The following IL1RAPL1 variants were observed in gnomAD, a reference collection of about 807,000 sequenced individuals.
The protein encoded by IL1RAPL1 is interleukin 1 receptor accessory protein like 1.
IL1RAPL1 carries 3 observed loss-of-function variants against 48.4 expected under a neutral mutation model. That is an observed-to-expected ratio of 0.06 (90% CI 0.03 to 0.16). The LOEUF (loss-of-function observed/expected upper bound fraction) is 0.16, where lower values mean the gene tolerates loss of function less well. Ranked by LOEUF, IL1RAPL1 falls within the 10% of genes least tolerant of loss-of-function variation. The probability of loss-of-function intolerance (pLI) is 1.00; values close to 1 mark genes in which losing one functional copy is unlikely to be tolerated. For missense variants in IL1RAPL1, 349 were observed against 530.6 expected (o/e 0.66, Z 3.36); for synonymous variants, 185 against 187.7 (o/e 0.99, Z 0.12).
At chrX:28,754,065 A>AT (rs1202319553) in intron 1 of IL1RAPL1, among the ~76,000 whole-genome samples, 1 of 110,508 alleles carries the variant, frequency 9.0e-6, no homozygotes, top group African/African-American at 3.3e-5. Context: ...ATTTTTTTTT[A>AT]ATCTTGTAAA....
intron 1 of IL1RAPL1, among the ~76,000 whole-genome samples, chrX:28,731,024 A>G (rs751823454): frequency 2.7e-5 from 3 of 111,477 alleles, no homozygotes; most frequent in African/African-American, 9.8e-5. Context: ...TCACTCCTAG[A>G]AAGATTAATT....
chrX:29,801,718 G>A (rs1929909134), intron 6 of IL1RAPL1, among the ~76,000 whole-genome samples: 1 of 111,964 alleles, frequency 8.9e-6, no homozygotes, highest in African/African-American at 3.2e-5. Context: ...AGAAGGTGAT[G>A]TTGGTCAGTC....
Position 29,247,651 on chromosome X carries a change from G to A in IL1RAPL1, c.83-35287G>A, listed in dbSNP as rs768990747. ...ACAAAAATTAGCTGGGTGTGGTGGC[G>A]GGCGCCTATAATCCCAGCTACTCAG... On this transcript the variant is annotated intron_variant, in intron 2 of 10. Transcript: ENST00000378993. Among the ~76,000 whole-genome samples the A allele has an allele frequency of 3.6e-5, 4 of 110,593 alleles. No homozygotes were observed. The South Asian group carries it at 1.2e-3, about 32-fold the overall frequency.
intron 1 of IL1RAPL1, among the ~76,000 whole-genome samples, chrX:28,631,974 A>T (rs1934405913): frequency 8.9e-6 from 1 of 112,533 alleles, no homozygotes; most frequent in South Asian, 3.7e-4. Context: ...TAACATTATC[A>T]CTTGCTCGCA....
intron 6 of IL1RAPL1, among the ~76,000 whole-genome samples, chrX:29,844,154 T>C (rs763133623): frequency 8.9e-6 from 1 of 112,171 alleles, no homozygotes; most frequent in South Asian, 3.7e-4. Context: ...ATTCAGTAAA[T>C]ATGTATTGAG....
chrX:29,708,941 T>A lies in IL1RAPL1; in HGVS notation c.778+40437T>A, dbSNP rs1356114159. On this transcript the variant is annotated intron_variant, in intron 6 of 10. Transcript: ENST00000378993. ...GGTGTGAGGTGTTATTCCATTGTGG[T>A]TTCAATTTGCATTTTACTAGTGATT... 8.0e-5 allele frequency among the ~76,000 whole-genome samples: 9 copies of A among 112,046 alleles called. No individual in the cohort carries two copies. In the East Asian group the frequency reaches 2.2e-3, roughly 28 times the overall value.
chrX:29,258,255 T>C (rs917068596), intron 2 of IL1RAPL1, among the ~76,000 whole-genome samples: 2 of 111,279 alleles, frequency 1.8e-5, no homozygotes, highest in Non-Finnish European at 3.8e-5. Flanking sequence ...ACCCCATAAA[T>C]ATATACAAAT....
chrX:29,797,230 AC>A (rs1929762527), intron 6 of IL1RAPL1, among the ~76,000 whole-genome samples: 1 of 112,550 alleles, frequency 8.9e-6, no homozygotes, highest in Non-Finnish European at 1.9e-5. Flanking sequence ...TTGCCTTGGC[AC>A]ATGGCAGGAG....
chrX:29,449,117 A>G (rs1331380820), intron 5 of IL1RAPL1, among the ~76,000 whole-genome samples: 2 of 111,558 alleles, frequency 1.8e-5, no homozygotes, highest in Non-Finnish European at 3.8e-5. Context: ...AATATTTACA[A>G]CGATCCAATG....
intron 10 of IL1RAPL1, 23 bp from the exon 11 acceptor site, chrX:29,955,079 A>G: frequency 4.3e-6 from 5 of 1,164,995 alleles, no homozygotes; most frequent in Non-Finnish European, 5.9e-6. Context: ...ACTCATTTTG[A>G]TGCACTCTTT....
intron 2 of IL1RAPL1, among the ~76,000 whole-genome samples, chrX:29,125,560 T>G (rs950964987): frequency 8.9e-6 from 1 of 111,884 alleles, no homozygotes; most frequent in Admixed American, 9.5e-5. Flanking sequence ...AAGAGTTCAG[T>G]GATGTTAGGA....
At chrX:29,145,181 C>T (rs757952990) in intron 2 of IL1RAPL1, among the ~76,000 whole-genome samples, 1 of 111,624 alleles carries the variant, frequency 9.0e-6, no homozygotes, top group Non-Finnish European at 1.9e-5. Flanking sequence ...TGTTCATATC[C>T]TTTGGGGGTA....
At chrX:29,566,220 C>T (rs5927021) in intron 5 of IL1RAPL1, among the ~76,000 whole-genome samples, 53,221 of 110,319 alleles carry the variant, frequency 0.48, 10,268 homozygotes, top group African/African-American at 0.72. Context: ...ATTACAGGTG[C>T]GAGCCACCGC....
chrX:28,916,668 C>T, intron 2 of IL1RAPL1, among the ~76,000 whole-genome samples: 1 of 111,913 alleles, frequency 8.9e-6, no homozygotes, highest in Non-Finnish European at 1.9e-5. Flanking sequence ...TCTGCATATC[C>T]ACCAGATTAT....
chrX:28,980,170 C>T (rs932363779), intron 2 of IL1RAPL1, among the ~76,000 whole-genome samples: 1 of 112,339 alleles, frequency 8.9e-6, no homozygotes, highest in Non-Finnish European at 1.9e-5. Flanking sequence ...AATGTTTCTC[C>T]GTCACTTGGC....
intron 6 of IL1RAPL1, among the ~76,000 whole-genome samples, chrX:29,689,975 G>A (rs1926731319): frequency 9.0e-6 from 1 of 111,636 alleles, no homozygotes. Flanking sequence ...CCAGAGGTCA[G>A]AGAGCCAACT....
At chrX:29,310,114 A>G (rs1932694421) in intron 3 of IL1RAPL1, among the ~76,000 whole-genome samples, 1 of 86,537 alleles carries the variant, frequency 1.2e-5, no homozygotes, top group African/African-American at 5.2e-5. Context: ...AAAAAAAAAA[A>G]AAAAAAAAAA....
chrX:28,630,957 G>A (rs1934393429), intron 1 of IL1RAPL1, among the ~76,000 whole-genome samples: 1 of 111,936 alleles, frequency 8.9e-6, no homozygotes, highest in Admixed American at 9.5e-5. Flanking sequence ...TAGTGTCTTA[G>A]CCTGGATTTC....
chrX:29,896,525 C>T (rs769853555), intron 6 of IL1RAPL1, among the ~76,000 whole-genome samples: 1 of 112,383 alleles, frequency 8.9e-6, no homozygotes, highest in Non-Finnish European at 1.9e-5. Flanking sequence ...TACAGAGAAT[C>T]GGTTTACACC....
Sources: gnomAD v4.1 joint callset for allele counts (sites outside exome capture counted in the v4.1 genomes callset) on GRCh38, gnomAD v4.1.1 for gene constraint, MANE v1.5 for transcripts, NCBI Gene and HGNC (gene_info 2026-07-23, HGNC 2026-07-21) for gene names.